RACGAP1: variants seen among roughly 807,000 people sequenced by gnomAD.
RACGAP1 encodes rac GTPase-activating protein 1.
In RACGAP1, 30 loss-of-function variants were observed where a neutral mutation model predicts 78.1. The ratio of observed to expected loss-of-function variants is 0.38; its 90% CI spans 0.29 to 0.52. The LOEUF (loss-of-function observed/expected upper bound fraction) is 0.52, where lower values mean the gene tolerates loss of function less well. Among genes scored for constraint, RACGAP1 ranks in the 20% least tolerant of loss-of-function variants. The probability of loss-of-function intolerance (pLI) is 0.82; values close to 1 mark genes in which losing one functional copy is unlikely to be tolerated. For synonymous variants in RACGAP1, 231 were observed against 264.8 expected, an observed-to-expected ratio of 0.87 and a Z score of 1.24; for missense variants, 587 against 777.1, an observed-to-expected ratio of 0.76 and a Z score of 2.91.
chr12:50,032,603 C>G (rs1950345737), intron 1 of RACGAP1, among the ~76,000 whole-genome samples: 3 of 150,454 alleles, frequency 2.0e-5, no homozygotes, highest in African/African-American at 7.4e-5. Flanking sequence ...TTCCTAACTC[C>G]CTTTCTTCCC....
intron 1 of RACGAP1, among the ~76,000 whole-genome samples, chr12:50,021,654 T>C (rs952612097): frequency 2.6e-5 from 4 of 152,210 alleles, no homozygotes; most frequent in Non-Finnish European, 4.4e-5. Context: ...GTTTTTTAGA[T>C]GCATCAAGGG....
upstream of RACGAP1, among the ~76,000 whole-genome samples, chr12:50,026,408 T>G (rs1950267125): frequency 6.6e-6 from 1 of 152,024 alleles, no homozygotes; most frequent in Non-Finnish European, 1.5e-5. Context: ...AGGGAGATGT[T>G]GGTCAAGAGA....
chr12:49,992,484 A>G, intron 13 of RACGAP1, 66 bp downstream of exon 13: 4 of 1,586,002 alleles, frequency 2.5e-6, no homozygotes, highest in Non-Finnish European at 3.4e-6. Flanking sequence ...CAAACACTCA[A>G]CCCACATTAT....
At chr12:50,027,434 G>A (rs551756534), upstream of RACGAP1, among the ~76,000 whole-genome samples, 3 of 152,304 alleles carry the variant, frequency 2.0e-5, no homozygotes, top group East Asian at 5.8e-4. Flanking sequence ...TCTGAGCTGG[G>A]TCTTGTGTGA....
intron 12 of RACGAP1, among the ~76,000 whole-genome samples, chr12:49,993,048 T>TA (rs1948001928): frequency 6.6e-6 from 1 of 152,188 alleles, no homozygotes; most frequent in South Asian, 2.1e-4. Context: ...ACCTACATTC[T>TA]ATTGGTGGAG....
At chr12:50,028,495 G>A (rs575900307), upstream of RACGAP1, among the ~76,000 whole-genome samples, 28 of 152,308 alleles carry the variant, frequency 1.8e-4, no homozygotes, top group Admixed American at 9.8e-4. Flanking sequence ...ATGGCTGGGC[G>A]AGGTGGCTTA....
At chr12:49,998,362 C>T (rs1948445318) in intron 9 of RACGAP1, among the ~76,000 whole-genome samples, 1 of 151,860 alleles carries the variant, frequency 6.6e-6, no homozygotes, top group South Asian at 2.1e-4. Context: ...CGAAATCGCA[C>T]CACTGCACTC....
Position 50,002,605 on chromosome 12 carries a change from T to C in RACGAP1, c.496-305A>G, listed in dbSNP as rs182638973. ...GTGGCTGATCCTTTATTTCTGATTATTTTTGTAATTAGTTTTAGAACTTAC... is the reference window on the plus strand; with the variant it reads ...GTGGCTGATCCTTTATTTCTGATTACTTTTGTAATTAGTTTTAGAACTTAC... On this transcript the variant is annotated intron_variant, in intron 5 of 16. Transcript: ENST00000312377. 3.3e-4 allele frequency: 82 copies of C among 250,726 alleles called. 1 individual carries two copies. In the East Asian group the frequency reaches 6.3e-3, roughly 19 times the overall value. The allele number at this position is 250,726 out of a possible 1,614,324, so 15.5% of individuals were successfully genotyped here. A position where few individuals can be genotyped will look rare whatever the true frequency, so the allele number is the denominator to read the frequency against.
At chr12:50,020,436 G>A (rs559180600) in intron 1 of RACGAP1, among the ~76,000 whole-genome samples, 6 of 151,654 alleles carry the variant, frequency 4.0e-5, no homozygotes, top group East Asian at 3.9e-4. Flanking sequence ...TGCTTGCCTC[G>A]GCCTCCCAAA....
chr12:50,024,652 T>C (rs188773334), intron 1 of RACGAP1, among the ~76,000 whole-genome samples: 1 of 151,974 alleles, frequency 6.6e-6, no homozygotes, highest in Non-Finnish European at 1.5e-5. Flanking sequence ...CCCCTAAATA[T>C]ACAAAAATTT....
At chr12:50,018,717 T>C (rs890684237) in intron 1 of RACGAP1, 10 of 320,210 alleles carry the variant, frequency 3.1e-5, no homozygotes, top group African/African-American at 2.2e-4. Flanking sequence ...CTTCTATCTG[T>C]CCAAGAATTC....
At chr12:50,018,753 G>A (rs571668609) in intron 1 of RACGAP1, among the ~76,000 whole-genome samples, 1 of 152,018 alleles carries the variant, frequency 6.6e-6, no homozygotes, top group Admixed American at 6.5e-5. Flanking sequence ...ATGGTGCTAG[G>A]ATGTTGAAAA....
chr12:49,997,495 C>T (rs1436560453), intron 9 of RACGAP1, among the ~76,000 whole-genome samples: 2 of 151,912 alleles, frequency 1.3e-5, no homozygotes, highest in Non-Finnish European at 2.9e-5. Flanking sequence ...AGGCTGGTCT[C>T]GAACTCCTGA....
In RACGAP1 at chr12:49,997,036, A is replaced by C. The variant is rs1565665350; in HGVS notation, c.1044+4T>G. ...AAAACAATGACGGCTTGCATAAGTC[A>C]TACCTCTCCAATCTTGACAGGTGTT... On this transcript the variant is annotated splice_donor_region_variant and intron_variant, in intron 10 of 16. Coordinates refer to ENST00000312377, the MANE Select transcript of RACGAP1 (RefSeq NM_001319999.2). 1 of 1,513,210 alleles carries C rather than the reference A, an allele frequency of 6.6e-7. No individual in the cohort carries two copies. The highest frequency in any genetic ancestry group is 8.9e-7 in the Non-Finnish European group (1 of 1,118,720). The allele number at this position is 1,513,210 out of a possible 1,614,324, so 93.7% of individuals were successfully genotyped here. A position where few individuals can be genotyped will look rare whatever the true frequency, so the allele number is the denominator to read the frequency against.
Position 50,002,218 on chromosome 12 carries a change from T to A in RACGAP1, c.549+29A>T, listed in dbSNP as rs11169245. The A allele has an allele frequency of 0.013, 20,875 of 1,601,762 alleles. 2,426 individuals are homozygous for A. The African/African-American group carries it at 0.25, about 19-fold the overall frequency. On this transcript the variant is annotated intron_variant, in intron 6 of 16. Coordinates refer to ENST00000312377, the MANE Select transcript of RACGAP1 (RefSeq NM_001319999.2). ...AAATAACTCCATTATTACTTTGTTT[T>A]AAAAAAAGACTAAACAAATCATACA...
intron 1 of RACGAP1, 36 bp downstream of exon 1, chr12:50,025,362 G>A (rs1026206847): frequency 2.0e-6 from 2 of 985,666 alleles, no homozygotes; most frequent in Non-Finnish European, 1.2e-6. Context: ...ACAATCCAGC[G>A]GCAGACGCAC....
At chr12:49,995,698 T>C (rs914546893) in intron 10 of RACGAP1, among the ~76,000 whole-genome samples, 1 of 152,090 alleles carries the variant, frequency 6.6e-6, no homozygotes, top group African/African-American at 2.4e-5. Context: ...TCTTGCTTTG[T>C]TGTCCAGGCT....
At chr12:50,020,834 AAG>A (rs1458854553) in intron 1 of RACGAP1, among the ~76,000 whole-genome samples, 1 of 152,194 alleles carries the variant, frequency 6.6e-6, no homozygotes, top group Non-Finnish European at 1.5e-5. Flanking sequence ...GCTGCTTCTG[AAG>A]AGTTATTTTT....
At chr12:50,032,771 G>A (rs967256924) in intron 1 of RACGAP1, among the ~76,000 whole-genome samples, 1 of 152,198 alleles carries the variant, frequency 6.6e-6, no homozygotes. Flanking sequence ...TCCCATGTCC[G>A]GCGAGACGCG....
Sources: gnomAD v4.1 joint callset for allele counts (sites outside exome capture counted in the v4.1 genomes callset) on GRCh38, gnomAD v4.1.1 for gene constraint, MANE v1.5 for transcripts, NCBI Gene and HGNC (gene_info 2026-07-23, HGNC 2026-07-21) for gene names.